The following ERC1 variants were observed in gnomAD, a reference collection of about 807,000 sequenced individuals.
ERC1 encodes ELKS/RAB6-interacting/CAST family member 1.
Under a neutral mutation model 132.0 loss-of-function variants are expected in ERC1, and 56 were observed. The ratio of observed to expected loss-of-function variants is 0.42; its 90% confidence interval spans 0.34 to 0.53. The LOEUF (loss-of-function observed/expected upper bound fraction) is 0.53, where lower values mean the gene tolerates loss of function less well. ERC1 is among the 20% of genes least tolerant of loss of function. The pLI, the probability that ERC1 is intolerant of heterozygous loss-of-function variation, is 0.03. For synonymous variants in ERC1, 478 were observed against 476.1 expected (o/e 1.00, Z -0.05); for missense variants, 1,202 against 1,349.9 (o/e 0.89, Z 1.72).
chr12:1,213,590 G>C (rs1393848918), intron 12 of ERC1, among the ~76,000 whole-genome samples: 1 of 151,796 alleles, frequency 6.6e-6, no homozygotes, highest in Admixed American at 6.6e-5. Context: ...TACAGAAACT[G>C]CCTGGTTGTG....
chr12:1,115,591 C>T (rs1946359656), intron 6 of ERC1: 2 of 306,308 alleles, frequency 6.5e-6, no homozygotes, highest in Non-Finnish European at 1.2e-5. Context: ...ATTTCCTTTC[C>T]CTCCATTCCC....
chr12:1,280,449 A>T (rs1433047593), intron 14 of ERC1, among the ~76,000 whole-genome samples: 2 of 152,226 alleles, frequency 1.3e-5, no homozygotes, highest in Non-Finnish European at 2.9e-5. Context: ...ATAAAGATGC[A>T]TTAAAATTAA....
At chr12:1,420,464 T>A (rs2092379035) in intron 17 of ERC1, among the ~76,000 whole-genome samples, 1 of 152,004 alleles carries the variant, frequency 6.6e-6, no homozygotes, top group Admixed American at 6.5e-5. Flanking sequence ...TTTATTTGTT[T>A]ATTTATTTTG....
rs541330690 is a variant in ERC1, at chr12:1,271,147, G to T, written c.2619+7982G>T. On this transcript the variant is annotated intron_variant, in intron 14 of 18. Transcript: ENST00000360905. ...CAGTATGTTTGTGAGCAGAAAAAAA[G>T]AAGTATAAAAAGATACATTTTAAAA... 3.1e-4 allele frequency among the ~76,000 whole-genome samples: 46 copies of T among 146,114 alleles called. 1 individual carries two copies. The highest frequency in any genetic ancestry group is 1.1e-3 in the African/African-American group (46 of 41,186).
At chr12:1,418,636 T>TC (rs1491382953) in intron 17 of ERC1, among the ~76,000 whole-genome samples, 24 of 102,568 alleles carry the variant, frequency 2.3e-4, no homozygotes, top group African/African-American at 1.4e-3. Flanking sequence ...TCTTTCTTTC[T>TC]TTCTTTCTCT....
intron 18 of ERC1, among the ~76,000 whole-genome samples, chr12:1,462,326 A>G (rs935648624): frequency 2.6e-5 from 4 of 152,198 alleles, no homozygotes; most frequent in African/African-American, 9.6e-5. Context: ...CAGGGATCCT[A>G]TTCTTACTCA....
intron 15 of ERC1, among the ~76,000 whole-genome samples, chr12:1,306,546 T>C (rs934879356): frequency 6.6e-6 from 1 of 152,232 alleles, no homozygotes; most frequent in Non-Finnish European, 1.5e-5. Context: ...GCAGAGTTCA[T>C]GTAGCTAAAC....
intron 2 of ERC1, among the ~76,000 whole-genome samples, chr12:1,053,835 A>G (rs1485038752): frequency 6.6e-6 from 1 of 152,210 alleles, no homozygotes; most frequent in East Asian, 1.9e-4. Flanking sequence ...GAAAGCAAAT[A>G]CTTTGCAAAT....
intron 3 of ERC1, among the ~76,000 whole-genome samples, chr12:1,099,796 G>GA (rs927933276): frequency 2.1e-5 from 3 of 146,172 alleles, no homozygotes; most frequent in African/African-American, 7.5e-5. Context: ...AATCATAAGT[G>GA]AAAATGGGGT....
chr12:1,011,443 C>T (rs893914350), intron 1 of ERC1, among the ~76,000 whole-genome samples: 8 of 152,114 alleles, frequency 5.3e-5, no homozygotes, highest in East Asian at 1.9e-4. Flanking sequence ...TAGGCTCAAG[C>T]GATCTGTCTA....
intron 2 of ERC1, among the ~76,000 whole-genome samples, chr12:1,037,321 G>A (rs1431064472): frequency 6.6e-6 from 1 of 152,158 alleles, no homozygotes; most frequent in East Asian, 1.9e-4. Context: ...CTAATTTACA[G>A]CAAATTTGCA....
At chr12:1,244,072 G>A (rs1206372079) in intron 13 of ERC1, among the ~76,000 whole-genome samples, 3 of 152,200 alleles carry the variant, frequency 2.0e-5, no homozygotes, top group Admixed American at 1.3e-4. Flanking sequence ...GGAGAGTTGT[G>A]GTGAGTGAGT....
At chr12:1,435,042 C>T (rs952681123) in intron 17 of ERC1, among the ~76,000 whole-genome samples, 4 of 152,110 alleles carry the variant, frequency 2.6e-5, no homozygotes, top group Non-Finnish European at 5.9e-5. Flanking sequence ...TTGTTTTTCC[C>T]AAATCTTTTT....
At chr12:1,394,330 G>A (rs2090339948) in intron 16 of ERC1, among the ~76,000 whole-genome samples, 1 of 152,004 alleles carries the variant, frequency 6.6e-6, no homozygotes, top group Admixed American at 6.6e-5. Context: ...AACCTGGGAG[G>A]CGGAGCTTGC....
rs1277274163 is a variant in ERC1, at chr12:1,028,423, G to A, written c.520G>A (p.Val174Ile). 7.4e-6 allele frequency: 12 copies of A among 1,614,068 alleles called. No homozygotes were observed. The Admixed American group carries it at 1.5e-4, about 20-fold the overall frequency. Residue 174 changes from valine to isoleucine, a missense_variant, in exon 2 of 19, where the codon GTA (valine) becomes ATA (isoleucine). Val to Ile is a conservative substitution (Grantham distance 29). Coordinates refer to ENST00000360905, the MANE Select transcript of ERC1 (RefSeq NM_178040.4). ...TGATCTCTTGCGGAAGGATGTGGAA[G>A]TAAAGGAGAGCAAATTGAGTTCTTC... ...ENDLLRKDVE[V>I]KESKLSSSMN...
intron 12 of ERC1, among the ~76,000 whole-genome samples, chr12:1,212,522 A>AT (rs1241422452): frequency 1.3e-5 from 2 of 152,164 alleles, no homozygotes; most frequent in Non-Finnish European, 2.9e-5. Context: ...AGCACGAACA[A>AT]TTTTTATTCA....
intron 15 of ERC1, among the ~76,000 whole-genome samples, chr12:1,313,269 A>G (rs1594935021): frequency 6.6e-6 from 1 of 152,104 alleles, no homozygotes; most frequent in African/African-American, 2.4e-5. Flanking sequence ...AGACCCACCC[A>G]CTAGATTTCT....
rs1566757931 is a variant in ERC1, at chr12:1,394,040, AAAAACCACAAAG to A, written c.2926-14108_2926-14097del. Among the ~76,000 whole-genome samples, 14 of 78,530 alleles carry A rather than the reference AAAAACCACAAAG, an allele frequency of 1.8e-4. 1 individual carries two copies. The highest frequency in any genetic ancestry group is 2.6e-4 in the African/African-American group (5 of 19,334). The allele number at this position is 78,530 out of a possible 152,430, so 51.5% of individuals were successfully genotyped here. A position where few individuals can be genotyped will look rare whatever the true frequency, so the allele number is the denominator to read the frequency against. ...CAAAAAAAAAAAAAAAAAACAAAAA[AAAAACCACAAAG>A]CATTAAGCAATTTAATTTCTGTATA... is the stretch of plus-strand genomic sequence containing the variant. On this transcript the variant is annotated intron_variant, in intron 16 of 18. Transcript: ENST00000360905.
intron 1 of ERC1, among the ~76,000 whole-genome samples, chr12:1,005,177 GGTTTCACTC>G (rs1963336259): frequency 1.3e-5 from 2 of 151,812 alleles, no homozygotes; most frequent in African/African-American, 4.8e-5. Context: ...TTTCACCTGG[GGTTTCACTC>G]TGTCACCCAG....
Sources: gnomAD v4.1 joint callset for allele counts (sites outside exome capture counted in the v4.1 genomes callset) on GRCh38, gnomAD v4.1.1 for gene constraint, MANE v1.5 for transcripts, NCBI Gene and HGNC (gene_info 2026-07-23, HGNC 2026-07-21) for gene names.